The following GRIN2B variants were observed in gnomAD, a reference collection of about 807,000 sequenced individuals.
GRIN2B encodes glutamate ionotropic receptor NMDA type subunit 2B.
Under a neutral mutation model 114.5 loss-of-function variants are expected in GRIN2B, and 5 were observed. The ratio of observed to expected loss-of-function variants is 0.04; its 90% CI spans 0.02 to 0.09. The LOEUF (loss-of-function observed/expected upper bound fraction) is 0.09, where lower values mean the gene tolerates loss of function less well. GRIN2B is among the 10% of genes least tolerant of loss of function. GRIN2B has a pLI of 1.00. For synonymous variants in GRIN2B, 787 were observed against 745.1 expected, an observed-to-expected ratio of 1.06 and a Z score of -0.92; for missense variants, 1,108 against 1,943.5, an observed-to-expected ratio of 0.57 and a Z score of 8.08.
At chr12:13,610,169 G>A (rs979180581) in intron 9 of GRIN2B, among the ~76,000 whole-genome samples, 2 of 152,120 alleles carry the variant, frequency 1.3e-5, no homozygotes, top group South Asian at 2.1e-4. Context: ...CTGTGCGTGT[G>A]GACCTTATTT....
At chr12:13,896,170 C>A (rs1049794605) in intron 2 of GRIN2B, among the ~76,000 whole-genome samples, 1 of 152,076 alleles carries the variant, frequency 6.6e-6, no homozygotes, top group African/African-American at 2.4e-5. Flanking sequence ...GCTCTACCAA[C>A]GAGGAGGCTC....
intron 4 of GRIN2B, among the ~76,000 whole-genome samples, chr12:13,723,280 C>A (rs1269624831): frequency 6.6e-6 from 1 of 151,964 alleles, no homozygotes; most frequent in Non-Finnish European, 1.5e-5. Context: ...CTAATGCTAT[C>A]CCTCCCCTAG....
chr12:13,732,578 C>T (rs1020107153), intron 4 of GRIN2B, among the ~76,000 whole-genome samples: 1 of 152,182 alleles, frequency 6.6e-6, no homozygotes, highest in African/African-American at 2.4e-5. Flanking sequence ...TTGTACTATA[C>T]CAATGTGAGA....
At chr12:13,930,695 C>A (rs925403328) in intron 2 of GRIN2B, among the ~76,000 whole-genome samples, 4 of 152,082 alleles carry the variant, frequency 2.6e-5, no homozygotes, top group South Asian at 4.1e-4. Context: ...GCAGAGGGAG[C>A]TGCTTATAAA....
At chr12:13,769,487 T>C (rs141539629) in intron 3 of GRIN2B, among the ~76,000 whole-genome samples, 1 of 152,248 alleles carries the variant, frequency 6.6e-6, no homozygotes, top group African/African-American at 2.4e-5. Context: ...GGGTATACAT[T>C]TGCAGCATTT....
intron 2 of GRIN2B, among the ~76,000 whole-genome samples, chr12:13,886,450 G>A (rs1403239007): frequency 6.6e-6 from 1 of 152,176 alleles, no homozygotes; most frequent in African/African-American, 2.4e-5. Context: ...TAAGTTAGCT[G>A]TGGGCAATGG....
chr12:13,880,716 A>C (rs1482315332), intron 2 of GRIN2B, among the ~76,000 whole-genome samples: 1 of 152,244 alleles, frequency 6.6e-6, no homozygotes, highest in East Asian at 1.9e-4. Context: ...TATTCATGGA[A>C]ACAGTTTTCT....
At chr12:13,891,452 A>G (rs956713119) in intron 2 of GRIN2B, among the ~76,000 whole-genome samples, 1 of 152,192 alleles carries the variant, frequency 6.6e-6, no homozygotes, top group Admixed American at 6.5e-5. Context: ...GGCATTGTTT[A>G]GTGCATATCT....
rs1949330106 is a variant in GRIN2B, at chr12:13,609,327, G to A, written c.1781-495C>T. Among the ~76,000 whole-genome samples, 3 of 152,180 alleles carry A rather than the reference G, an allele frequency of 2.0e-5. No homozygotes were observed. In the South Asian group the frequency reaches 6.2e-4, roughly 32 times the overall value. Reference sequence around the variant, plus strand: ...CCATTCATAAACCCTCTCCAAGTCTGTTTATACTGATGCTAGATGGCTTAG... The same window carrying A: ...CCATTCATAAACCCTCTCCAAGTCTATTTATACTGATGCTAGATGGCTTAG... On this transcript the variant is annotated intron_variant, in intron 9 of 13. Coordinates refer to ENST00000609686, the MANE Select transcript of GRIN2B (RefSeq NM_000834.5).
At chr12:13,973,700 G>T (rs1369380165) in intron 2 of GRIN2B, among the ~76,000 whole-genome samples, 1 of 152,162 alleles carries the variant, frequency 6.6e-6, no homozygotes, top group Non-Finnish European at 1.5e-5. Flanking sequence ...TTCAGATCCA[G>T]GGTACTCTCT....
At chr12:13,830,660 A>T (rs922077557) in intron 3 of GRIN2B, among the ~76,000 whole-genome samples, 3 of 152,092 alleles carry the variant, frequency 2.0e-5, no homozygotes, top group African/African-American at 7.2e-5. Context: ...ATATATGTAC[A>T]CCCTCCCCAG....
intron 4 of GRIN2B, among the ~76,000 whole-genome samples, chr12:13,702,994 A>G (rs1253624668): frequency 1.3e-5 from 2 of 152,194 alleles, no homozygotes; most frequent in Non-Finnish European, 2.9e-5. Flanking sequence ...TATGATGTCA[A>G]TTTCCCAGCA....
chr12:13,947,659 C>T (rs1263162128), intron 2 of GRIN2B, among the ~76,000 whole-genome samples: 1 of 152,158 alleles, frequency 6.6e-6, no homozygotes, highest in African/African-American at 2.4e-5. Flanking sequence ...CTGTTCCATC[C>T]TCTCCTTTTC....
chr12:13,969,558 C>T lies in GRIN2B; in HGVS notation c.-19+10370G>A, dbSNP rs555413098. Among the ~76,000 whole-genome samples, 4 of 152,290 alleles carry T rather than the reference C, an allele frequency of 2.6e-5. No individual in the cohort carries two copies. In the South Asian group the frequency reaches 8.3e-4, roughly 32 times the overall value. On this transcript the variant is annotated intron_variant, in intron 2 of 13. Transcript: ENST00000609686. ...TATAATTTTCCATAGAAATTTGTCT[C>T]CAGCAAAGGCAAGGCAATTCCTCAT...
chr12:13,854,125 G>A (rs1865617831), intron 3 of GRIN2B, among the ~76,000 whole-genome samples: 1 of 152,196 alleles, frequency 6.6e-6, no homozygotes, highest in South Asian at 2.1e-4. Context: ...CCTTGGGTGA[G>A]GAGTACAGCC....
At chr12:13,826,276 T>C (rs1165403715) in intron 3 of GRIN2B, among the ~76,000 whole-genome samples, 1 of 152,010 alleles carries the variant, frequency 6.6e-6, no homozygotes, top group African/African-American at 2.4e-5. Flanking sequence ...TTCGAGACCA[T>C]TCTGACCAAC....
At chr12:13,663,533 A>G (rs1949945158) in intron 5 of GRIN2B, among the ~76,000 whole-genome samples, 1 of 152,166 alleles carries the variant, frequency 6.6e-6, no homozygotes, top group Admixed American at 6.6e-5. Context: ...AGGGGTTTCT[A>G]ATTGCCTGAT....
intron 4 of GRIN2B, among the ~76,000 whole-genome samples, chr12:13,752,925 C>T (rs969856725): frequency 6.6e-6 from 1 of 152,206 alleles, no homozygotes; most frequent in African/African-American, 2.4e-5. Flanking sequence ...ACTTACAGAT[C>T]AGAGAGGCCT....
At chr12:13,781,842 G>C (rs191689414) in intron 3 of GRIN2B, among the ~76,000 whole-genome samples, 2 of 152,306 alleles carry the variant, frequency 1.3e-5, no homozygotes, top group Admixed American at 1.3e-4. Context: ...GGGGTCAGCT[G>C]TCAGGGATTC....
Sources: gnomAD v4.1 joint callset for allele counts (sites outside exome capture counted in the v4.1 genomes callset) on GRCh38, gnomAD v4.1.1 for gene constraint, MANE v1.5 for transcripts, NCBI Gene and HGNC (gene_info 2026-07-23, HGNC 2026-07-21) for gene names.